CRPPA: variants seen among roughly 807,000 people sequenced by gnomAD.
The protein encoded by CRPPA is D-ribitol-5-phosphate cytidylyltransferase.
A neutral mutation model predicts 52.0 loss-of-function variants in CRPPA; 43 were observed. That is an observed-to-expected ratio of 0.83 (90% CI 0.65 to 1.07). CRPPA has a LOEUF of 1.07. Among genes scored for constraint, CRPPA ranks in the 50% least tolerant of loss-of-function variants. The pLI is 0.00. For missense variants in CRPPA, 629 were observed against 551.7 expected (o/e 1.14, Z -1.40); for synonymous variants, 250 against 203.5 (o/e 1.23, Z -1.94).
At position 16,406,173 on chromosome 7, in the gene CRPPA, TG is replaced by T. The variant is rs1787948763; in HGVS notation, c.421del (p.Gln141ArgfsTer11). Reference sequence around the variant, plus strand: ...TGGCTTAGAGAGTTTAGAGTTGATCTGATCTTCTGCCAGTGCTTTTAGTCCA... The same window carrying T: ...TGGCTTAGAGAGTTTAGAGTTGATCTATCTTCTGCCAGTGCTTTTAGTCCA... ...FNGLKALAEDQINSKLSKPEV... is the reference protein window; with the variant it reads ...FNGLKALAEDXINSKLSKPEV... On this transcript the variant is annotated frameshift_variant, in exon 2 of 10. Coordinates refer to ENST00000407010, the MANE Select transcript of CRPPA (RefSeq NM_001101426.4). LOFTEE classifies it high-confidence loss of function. 6.2e-7 allele frequency: 1 copy of T among 1,614,018 alleles called. No homozygotes were observed. The highest frequency in any genetic ancestry group is 2.2e-5 in the East Asian group (1 of 44,876).
At chr7:16,104,986 G>C (rs748288392) in intron 9 of CRPPA, among the ~76,000 whole-genome samples, 25 of 151,676 alleles carry the variant, frequency 1.6e-4, no homozygotes, top group Non-Finnish European at 3.2e-4. Context: ...ATACATAGAA[G>C]ACAGACTTGA....
At chr7:16,375,878 G>A (rs1786866894) in intron 3 of CRPPA, among the ~76,000 whole-genome samples, 1 of 152,194 alleles carries the variant, frequency 6.6e-6, no homozygotes, top group African/African-American at 2.4e-5. Flanking sequence ...GGAGGGAAAA[G>A]AGCATCTAGA....
intron 3 of CRPPA, among the ~76,000 whole-genome samples, chr7:16,338,901 T>C (rs950322592): frequency 1.3e-5 from 2 of 150,474 alleles, no homozygotes; most frequent in African/African-American, 2.4e-5. Context: ...CTGCAAGCTC[T>C]GCCTCACAGG....
intron 9 of CRPPA, among the ~76,000 whole-genome samples, chr7:16,150,513 T>C (rs190801916): frequency 2.3e-4 from 35 of 152,322 alleles, no homozygotes; most frequent in East Asian, 1.9e-4. Flanking sequence ...TTTTTAATGA[T>C]TGTTTTCATC....
intron 5 of CRPPA, among the ~76,000 whole-genome samples, chr7:16,287,274 T>C (rs2128420016): frequency 6.6e-6 from 1 of 152,276 alleles, no homozygotes; most frequent in South Asian, 2.1e-4. Flanking sequence ...TCTAACACTG[T>C]TTTGTGTTTT....
At chr7:16,237,906 C>A (rs543327968) in intron 8 of CRPPA, among the ~76,000 whole-genome samples, 1 of 152,146 alleles carries the variant, frequency 6.6e-6, no homozygotes, top group African/African-American at 2.4e-5. Context: ...AGAGTTGGAC[C>A]CTGCTCAGTC....
At chr7:16,391,808 T>C (rs1272611039) in intron 2 of CRPPA, among the ~76,000 whole-genome samples, 4 of 152,114 alleles carry the variant, frequency 2.6e-5, no homozygotes, top group South Asian at 2.1e-4. Flanking sequence ...ACTCAGTAAA[T>C]AAGGGTTACA....
At chr7:16,236,286 C>G (rs1029509216) in intron 8 of CRPPA, among the ~76,000 whole-genome samples, 1 of 152,102 alleles carries the variant, frequency 6.6e-6, no homozygotes, top group African/African-American at 2.4e-5. Context: ...GCCTGTCCTA[C>G]TGTTCCCAAA....
At chr7:16,398,331 T>C (rs1787674533) in intron 2 of CRPPA, among the ~76,000 whole-genome samples, 2 of 150,624 alleles carry the variant, frequency 1.3e-5, no homozygotes, top group South Asian at 2.1e-4. Flanking sequence ...ACATGATCAA[T>C]ACGTTATCAA....
At chr7:16,289,317 G>A (rs932086291) in intron 5 of CRPPA, among the ~76,000 whole-genome samples, 1 of 152,072 alleles carries the variant, frequency 6.6e-6, no homozygotes, top group Non-Finnish European at 1.5e-5. Context: ...ACTACTCCAG[G>A]AAATTGAAGA....
At chr7:16,237,622 G>T (rs1782987677) in intron 8 of CRPPA, among the ~76,000 whole-genome samples, 1 of 152,082 alleles carries the variant, frequency 6.6e-6, no homozygotes, top group South Asian at 2.1e-4. Context: ...CTATTGTACT[G>T]CAGTAGCCTC....
chr7:16,109,889 A>C (rs1435786241), intron 9 of CRPPA, among the ~76,000 whole-genome samples: 1 of 152,040 alleles, frequency 6.6e-6, no homozygotes, highest in African/African-American at 2.4e-5. Flanking sequence ...AAGTTCCAAA[A>C]CAAGACAACA....
chr7:16,274,484 C>G (rs1784162145), intron 6 of CRPPA, among the ~76,000 whole-genome samples: 1 of 151,976 alleles, frequency 6.6e-6, no homozygotes, highest in African/African-American at 2.4e-5. Context: ...CAAGGTGAAC[C>G]AAGATTCTCT....
chr7:16,339,185 A>T (rs78032308), intron 3 of CRPPA, among the ~76,000 whole-genome samples: 3,749 of 152,250 alleles, frequency 0.025, 58 homozygotes, highest in Non-Finnish European at 0.038. Context: ...AATACTTCCC[A>T]ACTCATTCTG....
Position 16,258,929 on chromosome 7 carries a change from A to G in CRPPA, c.1017T>C (p.Val339=), listed in dbSNP as rs773884120. Residue 339 remains valine, a synonymous_variant, in exon 7 of 10, where the codon GTT becomes GTC. Coordinates refer to ENST00000407010, the MANE Select transcript of CRPPA (RefSeq NM_001101426.4). ...ATTTGAATTGACTTACATTCACACA[A>G]ACAAAATTGTAGCATTGATCTAAGA... ...QIILDQCYNF[V]CVNVTTSDFQ... The G allele has an allele frequency of 2.5e-6, 4 of 1,607,902 alleles. No homozygotes were observed. The highest frequency in any genetic ancestry group is 3.4e-6 in the Non-Finnish European group (4 of 1,176,552).
chr7:16,278,323 G>A (rs1167064716), intron 5 of CRPPA, 97 bp from the exon 6 acceptor site: 1 of 652,120 alleles, frequency 1.5e-6, no homozygotes, highest in Non-Finnish European at 2.6e-6. Context: ...CTTAGCTGTT[G>A]ACCAAGAATA....
intron 3 of CRPPA, among the ~76,000 whole-genome samples, chr7:16,311,923 T>G (rs935166162): frequency 6.6e-6 from 1 of 152,036 alleles, no homozygotes; most frequent in Non-Finnish European, 1.5e-5. Flanking sequence ...AAAGACCAAT[T>G]GATTACATTT....
chr7:16,364,364 C>T (rs770970789), intron 3 of CRPPA, among the ~76,000 whole-genome samples: 5 of 152,124 alleles, frequency 3.3e-5, no homozygotes, highest in Non-Finnish European at 7.4e-5. Context: ...AGCATCCAAA[C>T]CCAAGGTTGC....
At chr7:16,254,003 G>T (rs1475767961) in intron 8 of CRPPA, among the ~76,000 whole-genome samples, 4 of 152,064 alleles carry the variant, frequency 2.6e-5, no homozygotes, top group African/African-American at 9.7e-5. Context: ...ATCATCACCG[G>T]CCATCAGAGA....
Sources: gnomAD v4.1 joint callset for allele counts (sites outside exome capture counted in the v4.1 genomes callset) on GRCh38, gnomAD v4.1.1 for gene constraint, MANE v1.5 for transcripts, NCBI Gene and HGNC (gene_info 2026-07-23, HGNC 2026-07-21) for gene names.